The following DMD variants were observed in gnomAD, a reference collection of about 807,000 sequenced individuals.
The protein encoded by DMD is mutant dystrophin.
In DMD, 63 loss-of-function variants were observed where a neutral mutation model predicts 330.1. The ratio of observed to expected loss-of-function variants is 0.19; its 90% CI spans 0.16 to 0.24. DMD has a LOEUF of 0.24. Among genes scored for constraint, DMD ranks in the 10% least tolerant of loss-of-function variants. The pLI is 1.00. For missense variants in DMD, 3,344 were observed against 2,684.1 expected (o/e 1.25, Z -5.43); for synonymous variants, 1,223 against 959.8 (o/e 1.27, Z -5.07).
At chrX:31,747,895 C>A (rs2087989218) in intron 51 of DMD, among the ~76,000 whole-genome samples, 1 of 112,017 alleles carries the variant, frequency 8.9e-6, no homozygotes, top group Non-Finnish European at 1.9e-5. Flanking sequence ...TAAAAATAAG[C>A]AGTAATCCCT....
chrX:31,695,337 A>G (rs1395738901), intron 52 of DMD, among the ~76,000 whole-genome samples: 1 of 110,816 alleles, frequency 9.0e-6, no homozygotes, highest in Non-Finnish European at 1.9e-5. Context: ...GTTAGAAAGA[A>G]TGAGTAAGAC....
chrX:31,150,265 A>C (rs895085062), intron 74 of DMD, among the ~76,000 whole-genome samples: 3 of 112,071 alleles, frequency 2.7e-5, no homozygotes, highest in Non-Finnish European at 3.8e-5. Flanking sequence ...GTTTCTAGGT[A>C]GTATACTTTT....
At chrX:31,212,144 TATTATATA>T (rs1321935015) in intron 64 of DMD, among the ~76,000 whole-genome samples, 2 of 89,242 alleles carry the variant, frequency 2.2e-5, no homozygotes, top group African/African-American at 9.4e-5. Context: ...CCATTAAATA[TATTATATA>T]TATATATATA....
chrX:32,513,978 T>C (rs2045593030), intron 18 of DMD, among the ~76,000 whole-genome samples: 1 of 111,801 alleles, frequency 8.9e-6, no homozygotes, highest in South Asian at 3.7e-4. Context: ...GTTCTAGTTC[T>C]ACAGAGGGAT....
At chrX:33,173,237 G>A (rs2049455210) in intron 1 of DMD, among the ~76,000 whole-genome samples, 1 of 111,463 alleles carries the variant, frequency 9.0e-6, no homozygotes, top group South Asian at 3.7e-4. Flanking sequence ...TTATGTCCAT[G>A]TGTGTACATC....
At chrX:32,645,461 T>A (rs1297449853) in intron 9 of DMD, among the ~76,000 whole-genome samples, 2 of 112,228 alleles carry the variant, frequency 1.8e-5, no homozygotes, top group Non-Finnish European at 3.8e-5. Context: ...TATTGATCTG[T>A]AGGAACTTTC....
chrX:32,708,591 G>C (rs770301524), intron 7 of DMD, among the ~76,000 whole-genome samples: 1 of 111,717 alleles, frequency 9.0e-6, no homozygotes, highest in East Asian at 2.8e-4. Flanking sequence ...TCATAGGTTT[G>C]CTTGCATTCA....
chrX:32,030,509 G>A (rs2095875129), intron 44 of DMD, among the ~76,000 whole-genome samples: 1 of 112,058 alleles, frequency 8.9e-6, no homozygotes, highest in Non-Finnish European at 1.9e-5. Context: ...TAGATGATAA[G>A]GAGATAGCAG....
intron 5 of DMD, among the ~76,000 whole-genome samples, chrX:32,822,049 T>C (rs2078304245): frequency 9.0e-6 from 1 of 111,370 alleles, no homozygotes; most frequent in African/African-American, 3.3e-5. Flanking sequence ...AACAATTACA[T>C]TTCAAAAACG....
intron 29 of DMD, among the ~76,000 whole-genome samples, chrX:32,426,865 T>A (rs1157610447): frequency 2.7e-5 from 3 of 111,308 alleles, no homozygotes; most frequent in Non-Finnish European, 5.7e-5. Context: ...AACAGACAAC[T>A]AAATATCACA....
intron 55 of DMD, among the ~76,000 whole-genome samples, chrX:31,601,793 A>T (rs746354796): frequency 5.4e-5 from 6 of 111,851 alleles, no homozygotes; most frequent in Non-Finnish European, 1.1e-4. Flanking sequence ...CATCTACACA[A>T]TAACCATATT....
At chrX:32,996,491 G>A (rs2093123390) in intron 2 of DMD, among the ~76,000 whole-genome samples, 1 of 111,515 alleles carries the variant, frequency 9.0e-6, no homozygotes, top group East Asian at 2.8e-4. Context: ...GTAGGAGACC[G>A]AAATATGCCA....
intron 2 of DMD, among the ~76,000 whole-genome samples, chrX:33,014,013 C>A (rs371334154): frequency 8.9e-6 from 1 of 112,072 alleles, no homozygotes; most frequent in Non-Finnish European, 1.9e-5. Flanking sequence ...AATCACCCTT[C>A]AAAAACTTTA....
At chrX:32,784,541 T>A (rs1167272688) in intron 7 of DMD, among the ~76,000 whole-genome samples, 3 of 111,852 alleles carry the variant, frequency 2.7e-5, no homozygotes, top group African/African-American at 9.7e-5. Context: ...AACTAAACCT[T>A]ACTCAAAATA....
intron 48 of DMD, among the ~76,000 whole-genome samples, chrX:31,841,472 T>C (rs1569471570): frequency 1.8e-5 from 2 of 112,009 alleles, no homozygotes; most frequent in Non-Finnish European, 3.8e-5. Context: ...AAACAACAGA[T>C]TTTCAGTGTA....
At chrX:33,189,285 C>T (rs187379498) in intron 1 of DMD, among the ~76,000 whole-genome samples, 144 of 111,410 alleles carry the variant, frequency 1.3e-3, no homozygotes, top group African/African-American at 4.5e-3. Context: ...AAGCCTTATG[C>T]TCATCTCTAG....
At chrX:32,751,330 A>G (rs1215981096) in intron 7 of DMD, among the ~76,000 whole-genome samples, 1 of 111,223 alleles carries the variant, frequency 9.0e-6, no homozygotes, top group Non-Finnish European at 1.9e-5. Flanking sequence ...ATGGTCTCAG[A>G]TAGAGATGAG....
intron 9 of DMD, among the ~76,000 whole-genome samples, chrX:32,688,041 G>A (rs1377164080): frequency 9.0e-6 from 1 of 111,704 alleles, no homozygotes. Flanking sequence ...TCCTAAAGAA[G>A]GCATACTGCA....
intron 1 of DMD, among the ~76,000 whole-genome samples, chrX:33,220,072 C>A (rs1603420795): frequency 9.0e-6 from 1 of 111,489 alleles, no homozygotes; most frequent in African/African-American, 3.3e-5. Flanking sequence ...ACTACCAGGA[C>A]CTTAGTGAGG....
Sources: gnomAD v4.1 joint callset for allele counts (sites outside exome capture counted in the v4.1 genomes callset) on GRCh38, gnomAD v4.1.1 for gene constraint, MANE v1.5 for transcripts, NCBI Gene and HGNC (gene_info 2026-07-23, HGNC 2026-07-21) for gene names.